GRM7: variants seen among roughly 807,000 people sequenced by gnomAD.
GRM7 encodes glutamate metabotropic receptor 7.
Under a neutral mutation model 84.5 loss-of-function variants are expected in GRM7, and 35 were observed. The observed-to-expected ratio is 0.41, with a 90% confidence interval of 0.32 to 0.55. GRM7 has a LOEUF of 0.55. Among genes scored for constraint, GRM7 ranks in the 20% least tolerant of loss-of-function variants. GRM7 has a pLI of 0.19. For missense variants in GRM7, 1,003 were observed against 1,194.6 expected (o/e 0.84, Z 2.36); for synonymous variants, 487 against 455.1 (o/e 1.07, Z -0.89).
intron 4 of GRM7, among the ~76,000 whole-genome samples, chr3:7,410,579 C>A (rs60609184): frequency 0.038 from 4,792 of 126,830 alleles, 253 homozygotes; most frequent in African/African-American, 0.13. Flanking sequence ...CTCAAAAAAA[C>A]AAAATATATA....
chr3:7,522,282 C>T (rs971356886), intron 7 of GRM7, among the ~76,000 whole-genome samples: 2 of 150,176 alleles, frequency 1.3e-5, no homozygotes, highest in South Asian at 2.1e-4. Context: ...GCAATCAACT[C>T]GGGGTAGGGG....
At chr3:6,924,852 T>TGA (rs1230565885) in intron 1 of GRM7, among the ~76,000 whole-genome samples, 1 of 152,080 alleles carries the variant, frequency 6.6e-6, no homozygotes, top group African/African-American at 2.4e-5. Flanking sequence ...CCTGGATCAT[T>TGA]GAGAGAGAGA....
At chr3:7,084,608 T>C (rs1426931876) in intron 1 of GRM7, among the ~76,000 whole-genome samples, 1 of 152,058 alleles carries the variant, frequency 6.6e-6, no homozygotes, top group Non-Finnish European at 1.5e-5. Flanking sequence ...TGGGAGGAGC[T>C]GCTGAAATGG....
At chr3:7,234,962 C>T (rs1045193148) in intron 2 of GRM7, among the ~76,000 whole-genome samples, 13 of 152,176 alleles carry the variant, frequency 8.5e-5, no homozygotes, top group African/African-American at 1.2e-4. Flanking sequence ...GTTCATCCAT[C>T]GTTTTCTTGC....
intron 1 of GRM7, among the ~76,000 whole-genome samples, chr3:6,976,221 A>G (rs575954896): frequency 1.3e-5 from 2 of 152,196 alleles, no homozygotes; most frequent in South Asian, 4.1e-4. Context: ...CTCCTTAACC[A>G]AATTATGATA....
chr3:6,885,129 T>C (rs928101796), intron 1 of GRM7, among the ~76,000 whole-genome samples: 3 of 152,020 alleles, frequency 2.0e-5, no homozygotes, highest in African/African-American at 7.2e-5. Flanking sequence ...GACCCCCAAA[T>C]TGAGGCTTAG....
chr3:7,668,317 G>A (rs988094022), intron 8 of GRM7, among the ~76,000 whole-genome samples: 9 of 152,128 alleles, frequency 5.9e-5, no homozygotes, highest in African/African-American at 1.7e-4. Flanking sequence ...ATCTTTGTGT[G>A]TCCAAGACTT....
intron 6 of GRM7, among the ~76,000 whole-genome samples, chr3:7,460,289 T>C (rs1698193157): frequency 6.6e-6 from 1 of 152,102 alleles, no homozygotes; most frequent in South Asian, 2.1e-4. Flanking sequence ...AAACCAGACT[T>C]AACAATGCTT....
At chr3:7,368,804 C>G (rs1694014650) in intron 4 of GRM7, among the ~76,000 whole-genome samples, 1 of 152,128 alleles carries the variant, frequency 6.6e-6, no homozygotes, top group Non-Finnish European at 1.5e-5. Context: ...GGGACTACAT[C>G]TGTTCTTGAT....
intron 1 of GRM7, among the ~76,000 whole-genome samples, chr3:6,864,807 G>C (rs1694886080): frequency 6.6e-6 from 1 of 152,202 alleles, no homozygotes; most frequent in South Asian, 2.1e-4. Context: ...AAATGCTGCT[G>C]CCCCCAGCAA....
At chr3:7,436,266 A>G (rs1697053196) in intron 5 of GRM7, among the ~76,000 whole-genome samples, 1 of 151,704 alleles carries the variant, frequency 6.6e-6, no homozygotes, top group African/African-American at 2.4e-5. Flanking sequence ...CTTTTTGTTT[A>G]TAGTTTTTTT....
intron 7 of GRM7, among the ~76,000 whole-genome samples, chr3:7,498,734 G>T (rs1428460933): frequency 2.0e-5 from 3 of 152,116 alleles, no homozygotes; most frequent in Non-Finnish European, 2.9e-5. Context: ...TAGTTCAGTG[G>T]TTTCAAACAT....
chr3:7,029,418 A>G (rs1262431817), intron 1 of GRM7, among the ~76,000 whole-genome samples: 3 of 152,196 alleles, frequency 2.0e-5, no homozygotes, highest in Non-Finnish European at 2.9e-5. Flanking sequence ...TTTGTACACC[A>G]GTGTTGATGG....
At chr3:7,227,969 T>C (rs902163234) in intron 2 of GRM7, among the ~76,000 whole-genome samples, 7 of 152,224 alleles carry the variant, frequency 4.6e-5, no homozygotes, top group Non-Finnish European at 1.0e-4. Context: ...TCTACTTTAA[T>C]GGTTTTCATT....
intron 7 of GRM7, among the ~76,000 whole-genome samples, chr3:7,573,910 T>C (rs1176965043): frequency 6.6e-6 from 1 of 152,076 alleles, no homozygotes; most frequent in Non-Finnish European, 1.5e-5. Context: ...GCAGAGAAAA[T>C]GTATTAGATA....
chr3:7,012,451 G>A (rs1369749327), intron 1 of GRM7, among the ~76,000 whole-genome samples: 1 of 152,056 alleles, frequency 6.6e-6, no homozygotes, highest in Admixed American at 6.6e-5. Flanking sequence ...TGGGGCTCCG[G>A]AAACACTACC....
At chr3:7,125,639 T>C (rs1045847058) in intron 1 of GRM7, among the ~76,000 whole-genome samples, 1 of 152,262 alleles carries the variant, frequency 6.6e-6, no homozygotes. Context: ...TTTATTTATC[T>C]CTGGGTACCC....
intron 2 of GRM7, among the ~76,000 whole-genome samples, chr3:7,149,129 A>T (rs1694199665): frequency 6.6e-6 from 1 of 152,186 alleles, no homozygotes; most frequent in Admixed American, 6.6e-5. Context: ...TCACATGTGC[A>T]AGTGATTTAG....
At chr3:7,654,914 G>A (rs1388008216) in intron 8 of GRM7, among the ~76,000 whole-genome samples, 1 of 152,164 alleles carries the variant, frequency 6.6e-6, no homozygotes, top group Non-Finnish European at 1.5e-5. Context: ...TAAGAAGACT[G>A]GAAATTTACC....
Sources: allele counts gnomAD v4.1 joint callset (sites outside exome capture counted in the v4.1 genomes callset), GRCh38; gene constraint gnomAD v4.1.1; transcripts MANE v1.5; gene names NCBI Gene and HGNC (gene_info 2026-07-23, HGNC 2026-07-21).